Variants in PPARG observed in about 807,000 individuals in gnomAD.
PPARG encodes peroxisome proliferator activated receptor gamma.
Under a neutral mutation model 39.2 loss-of-function variants are expected in PPARG, and 17 were observed. That is an observed-to-expected ratio of 0.43 (90% confidence interval 0.30 to 0.65). The LOEUF (loss-of-function observed/expected upper bound fraction) is 0.65. Ranked by LOEUF, PPARG falls within the 30% of genes least tolerant of loss-of-function variation. The pLI is 0.13. For synonymous variants in PPARG, 223 were observed against 215.7 expected (o/e 1.03, Z -0.30); for missense variants, 406 against 585.9 (o/e 0.69, Z 3.17).
At chr3:12,291,839 G>T (rs1382835645) in intron 1 of PPARG, among the ~76,000 whole-genome samples, 1 of 152,170 alleles carries the variant, frequency 6.6e-6, no homozygotes, top group Non-Finnish European at 1.5e-5. Flanking sequence ...GCTTAGGCAA[G>T]TACCTTATCC....
chr3:12,331,428 G>A (rs1004475268), intron 2 of PPARG, among the ~76,000 whole-genome samples: 6 of 152,162 alleles, frequency 3.9e-5, no homozygotes, highest in Non-Finnish European at 5.9e-5. Flanking sequence ...TTTACTCCCT[G>A]ATTTAAATGG....
At chr3:12,396,750 C>A (rs2050277819) in intron 5 of PPARG, among the ~76,000 whole-genome samples, 2 of 145,052 alleles carry the variant, frequency 1.4e-5, no homozygotes, top group Non-Finnish European at 1.5e-5. Flanking sequence ...AGAGCAAGAC[C>A]CAGTCTCAAA....
chr3:12,314,459 A>G (rs923415576), intron 2 of PPARG, among the ~76,000 whole-genome samples: 2 of 152,206 alleles, frequency 1.3e-5, no homozygotes, highest in Non-Finnish European at 2.9e-5. Context: ...AATATCAAGG[A>G]TAGTAAGACA....
At chr3:12,389,268 A>G (rs1341089588) in intron 4 of PPARG, among the ~76,000 whole-genome samples, 4 of 152,200 alleles carry the variant, frequency 2.6e-5, no homozygotes, top group Non-Finnish European at 4.4e-5. Context: ...AAGATGGAAA[A>G]TAAAAAAGAG....
rs756994321 is a variant in PPARG, at chr3:12,405,960, A to G, written c.608A>G (p.Asn203Ser). 2 of 1,614,152 alleles carry G rather than the reference A, an allele frequency of 1.2e-6. No homozygotes were observed. Among genetic ancestry groups the G allele is most frequent in the Non-Finnish European group, 1.7e-6 (2 of 1,180,004 alleles). ...AEISSDIDQL[N>S]PESADLRALA... ...ATCTCCAGTGATATCGACCAGCTGA[A>G]TCCAGAGTCCGCTGACCTCCGGGCC... The change falls in exon 6 of 8, where the codon AAT becomes AGT. Residue 203 changes from asparagine (N) to serine (S), a missense_variant. By Grantham distance (46) the Asn-to-Ser change is conservative. Around this residue, in one of 2 missense-constraint regions of PPARG, gnomAD observed 275 missense variants for 458.0 expected, o/e 0.60. Transcript: ENST00000651735.
chr3:12,353,887 A>G (rs868232707), intron 2 of PPARG, among the ~76,000 whole-genome samples: 4 of 152,212 alleles, frequency 2.6e-5, no homozygotes, highest in Admixed American at 6.5e-5. Context: ...CAAGCTGAAT[A>G]TGCCTCCTGC....
intron 6 of PPARG, among the ~76,000 whole-genome samples, chr3:12,408,840 T>TA (rs3836371): frequency 1.3e-4 from 20 of 151,396 alleles, no homozygotes; most frequent in South Asian, 6.3e-4. Flanking sequence ...AAAAGACTGA[T>TA]AAAAAAAAAG....
intron 2 of PPARG, among the ~76,000 whole-genome samples, chr3:12,330,380 A>G (rs566761924): frequency 9.4e-5 from 14 of 149,314 alleles, no homozygotes; most frequent in South Asian, 8.5e-4. Flanking sequence ...GCATTTTCCT[A>G]ATGGCTGCTG....
chr3:12,405,129 G>A (rs745803372), intron 5 of PPARG, among the ~76,000 whole-genome samples: 1 of 152,200 alleles, frequency 6.6e-6, no homozygotes, highest in Non-Finnish European at 1.5e-5. Flanking sequence ...ACATATCTGA[G>A]TTGAAAAGTT....
chr3:12,416,684 T>G lies in PPARG; in HGVS notation c.730-20T>G. On this transcript the variant is annotated intron_variant, in intron 6 of 7. Coordinates refer to ENST00000651735, the MANE Select transcript of PPARG (RefSeq NM_138711.6). ...TTAGAAATCTCCAAGTCATCCACGTTTTCCCTGTTTTATTTGCAGCCATTC... is the reference window on the plus strand; with the variant it reads ...TTAGAAATCTCCAAGTCATCCACGTGTTCCCTGTTTTATTTGCAGCCATTC... 1 of 1,607,432 alleles carries G rather than the reference T, an allele frequency of 6.2e-7. No homozygotes were observed. Among genetic ancestry groups the G allele is most frequent in the Non-Finnish European group, 8.5e-7 (1 of 1,175,266 alleles).
intron 2 of PPARG, chr3:12,328,028 C>G: frequency 1.6e-6 from 2 of 1,282,458 alleles, no homozygotes; most frequent in Non-Finnish European, 2.3e-6. Flanking sequence ...CTAAACAGAA[C>G]GAAAAAGCAT....
chr3:12,321,190 C>T (rs1035588016), intron 2 of PPARG, among the ~76,000 whole-genome samples: 1 of 152,178 alleles, frequency 6.6e-6, no homozygotes, highest in Non-Finnish European at 1.5e-5. Context: ...CGTGGACTCA[C>T]TTCCTTTAAG....
At chr3:12,390,541 A>G (rs1559520634) in intron 4 of PPARG, among the ~76,000 whole-genome samples, 1 of 147,534 alleles carries the variant, frequency 6.8e-6, no homozygotes, top group East Asian at 1.9e-4. Flanking sequence ...AAAACTACAT[A>G]TAGTATAATA....
chr3:12,339,057 C>T (rs1006880043), intron 2 of PPARG, among the ~76,000 whole-genome samples: 1 of 152,046 alleles, frequency 6.6e-6, no homozygotes, highest in African/African-American at 2.4e-5. Context: ...AATGGATAGA[C>T]AAAATGTGCT....
At chr3:12,394,233 G>A (rs971477839) in intron 5 of PPARG, among the ~76,000 whole-genome samples, 6 of 152,112 alleles carry the variant, frequency 3.9e-5, no homozygotes, top group South Asian at 4.1e-4. Context: ...TGCCAGTTCC[G>A]CTTTTAACAC....
chr3:12,417,034 C>T lies in PPARG; in HGVS notation c.1060C>T (p.Leu354=). 1.2e-6 allele frequency: 2 copies of T among 1,612,970 alleles called. No homozygotes were observed. The highest frequency in any genetic ancestry group is 8.5e-7 in the Non-Finnish European group (1 of 1,179,264). ...CATGACAAGGGAGTTTCTAAAGAGC[C>T]TGCGAAAGCCTTTTGGTGACTTTAT... ...GFMTREFLKS[L]RKPFGDFMEP... The change falls in exon 7 of 8, where the codon CTG becomes TTG. Residue 354 remains leucine, a synonymous_variant. Coordinates refer to ENST00000651735, the MANE Select transcript of PPARG (RefSeq NM_138711.6).
At chr3:12,412,862 T>C (rs1004487884) in intron 6 of PPARG, among the ~76,000 whole-genome samples, 21 of 152,202 alleles carry the variant, frequency 1.4e-4, no homozygotes, top group Admixed American at 5.9e-4. Context: ...CTTTCTTTCC[T>C]GTTAAGGAGG....
chr3:12,334,845 A>C (rs541031915), intron 2 of PPARG, among the ~76,000 whole-genome samples: 2 of 152,272 alleles, frequency 1.3e-5, no homozygotes, highest in Admixed American at 1.3e-4. Context: ...CATCTAGGTC[A>C]ATACATTTTA....
chr3:12,305,011 C>G (rs1431726009), intron 1 of PPARG, among the ~76,000 whole-genome samples: 1 of 152,040 alleles, frequency 6.6e-6, no homozygotes, highest in African/African-American at 2.4e-5. Flanking sequence ...TGTCTTCTAT[C>G]TTCTTTCCTT....
Sources: allele counts gnomAD v4.1 joint callset (sites outside exome capture counted in the v4.1 genomes callset), GRCh38; gene constraint gnomAD v4.1.1; regional missense constraint gnomAD v4.1.1; transcripts MANE v1.5; gene names NCBI Gene and HGNC (gene_info 2026-07-23, HGNC 2026-07-21).